The following SYNPO2 variants were observed in gnomAD, a reference collection of about 807,000 sequenced individuals.
SYNPO2 encodes the protein synaptopodin 2, also known as synaptopodin-2.
In SYNPO2, 56 loss-of-function variants were observed where a neutral mutation model predicts 85.0. The ratio of observed to expected loss-of-function variants is 0.66; its 90% confidence interval spans 0.53 to 0.82. The LOEUF (loss-of-function observed/expected upper bound fraction) is 0.82. Among genes scored for constraint, SYNPO2 ranks in the 40% least tolerant of loss-of-function variants. The pLI is 0.00. For missense variants in SYNPO2, 1,575 were observed against 1,534.2 expected (o/e 1.03, Z -0.44); for synonymous variants, 602 against 591.1 (o/e 1.02, Z -0.27).
chr4:118,866,445 A>G, intron 1 of SYNPO2, among the ~76,000 whole-genome samples: 1 of 152,216 alleles, frequency 6.6e-6, no homozygotes, highest in South Asian at 2.1e-4. Flanking sequence ...GCACAGTTCT[A>G]TCTCTAAGCA....
intron 1 of SYNPO2, among the ~76,000 whole-genome samples, chr4:118,981,268 C>A (rs1045478801): frequency 6.6e-6 from 1 of 152,198 alleles, no homozygotes; most frequent in Admixed American, 6.5e-5. Context: ...AACAGCCTAA[C>A]AGCCCTGCAA....
At chr4:119,048,446 C>T (rs868060639) in intron 4 of SYNPO2, among the ~76,000 whole-genome samples, 2 of 152,142 alleles carry the variant, frequency 1.3e-5, no homozygotes, top group Middle Eastern at 3.4e-3. Context: ...AAACCTTTAC[C>T]CTTAGATGGA....
chr4:119,003,921 C>T (rs13110780), intron 1 of SYNPO2, among the ~76,000 whole-genome samples: 4 of 152,136 alleles, frequency 2.6e-5, no homozygotes, highest in Admixed American at 6.5e-5. Context: ...TTTCAGGATC[C>T]GGTAGTTAAT....
In SYNPO2 at chr4:118,852,105, T is replaced by A. The variant is rs532389374; in HGVS notation, c.12+1165T>A. On this transcript the variant is annotated intron_variant, in intron 1 of 4. Transcript: ENST00000610556. ...ACATTTGTCACTTAGAAAATATTGA[T>A]TTGCCGTATAAAAAAAGCTCAATAT... Among the ~76,000 whole-genome samples the A allele has an allele frequency of 3.3e-5, 5 of 152,286 alleles. No individual in the cohort carries two copies. In the East Asian group the frequency reaches 9.6e-4, roughly 29 times the overall value.
chr4:118,958,265 T>A (rs1734948137), intron 1 of SYNPO2, among the ~76,000 whole-genome samples: 2 of 152,092 alleles, frequency 1.3e-5, no homozygotes, highest in Non-Finnish European at 2.9e-5. Context: ...ATGCCTGCGG[T>A]GCGTGTATGT....
At chr4:118,909,285 T>C (rs1020389705) in intron 1 of SYNPO2, among the ~76,000 whole-genome samples, 1 of 152,228 alleles carries the variant, frequency 6.6e-6, no homozygotes, top group Non-Finnish European at 1.5e-5. Context: ...TCCATTTACA[T>C]GGCTCTTAAT....
Position 119,029,930 on chromosome 4 carries a change from T to G in SYNPO2, c.1155T>G (p.Asp385Glu). 1 of 1,613,640 alleles carries G rather than the reference T, an allele frequency of 6.2e-7. No homozygotes were observed. Among genetic ancestry groups the G allele is most frequent in the Non-Finnish European group, 8.5e-7 (1 of 1,179,758 alleles). Residue 385 changes from aspartate (D) to glutamate (E), a missense_variant, in exon 4 of 5, where the codon GAT (aspartate) becomes GAG (glutamate). By Grantham distance (45) the Asp-to-Glu change is conservative (BLOSUM62 2). Transcript: ENST00000307142. ...AAAGCATTGCCCTTCTTCTAACGGATGCTCCCAACCCCAACTCCAAGGGGG... is the reference window on the plus strand; with the variant it reads ...AAAGCATTGCCCTTCTTCTAACGGAGGCTCCCAACCCCAACTCCAAGGGGG... ...KCKSIALLLT[D>E]APNPNSKGVL...
intron 1 of SYNPO2, among the ~76,000 whole-genome samples, chr4:118,980,854 G>A (rs887906094): frequency 6.6e-6 from 1 of 152,172 alleles, no homozygotes; most frequent in African/African-American, 2.4e-5. Context: ...CTGCACATAA[G>A]CCTATGAACC....
Position 118,982,746 on chromosome 4 carries a change from C to T in SYNPO2, c.106-40684C>T, listed in dbSNP as rs571172649. 2.0e-5 allele frequency among the ~76,000 whole-genome samples: 3 copies of T among 152,298 alleles called. No individual in the cohort carries two copies. In the South Asian group the frequency reaches 6.2e-4, roughly 32 times the overall value. On this transcript the variant is annotated intron_variant, in intron 1 of 4. Transcript: ENST00000307142. ...ATACATACCTAAATAACAGACCAAT[C>T]ATTGATTTCCAGAAACCTGTCTGGA...
intron 1 of SYNPO2, among the ~76,000 whole-genome samples, chr4:118,853,564 C>T (rs755675039): frequency 7.2e-5 from 11 of 152,138 alleles, no homozygotes; most frequent in Non-Finnish European, 1.3e-4. Flanking sequence ...GCCTATCTCT[C>T]TAGTTTAGAA....
intron 1 of SYNPO2, among the ~76,000 whole-genome samples, chr4:118,973,406 T>C (rs1484579775): frequency 6.6e-6 from 1 of 152,042 alleles, no homozygotes; most frequent in African/African-American, 2.4e-5. Flanking sequence ...ACGGTGGTGC[T>C]GATTTTTAAG....
At chr4:118,907,603 T>C (rs571768456) in intron 1 of SYNPO2, among the ~76,000 whole-genome samples, 76 of 152,310 alleles carry the variant, frequency 5.0e-4, no homozygotes, top group Admixed American at 3.5e-3. Context: ...TAAAATGCAC[T>C]GTTTCAATCA....
intron 1 of SYNPO2, among the ~76,000 whole-genome samples, chr4:118,893,030 G>C (rs1011874148): frequency 3.3e-5 from 5 of 151,974 alleles, no homozygotes; most frequent in Admixed American, 3.3e-4. Context: ...TTTCTAAAGG[G>C]GGAAAAAGAT....
rs549496832 is a variant in SYNPO2 at position 118,879,334 on chromosome 4, A to C, written c.12+28394A>C. On this transcript the variant is annotated intron_variant, in intron 1 of 4. Coordinates refer to the SYNPO2 transcript ENST00000610556. ...GCTTCCTTTTCCCTAGGCTCTGGGG[A>C]ACTGAACGTTTTTGTCTCCCCTGAA... Among the ~76,000 whole-genome samples the C allele has an allele frequency of 3.9e-5, 6 of 152,250 alleles. No homozygotes were observed. The South Asian group carries it at 1.2e-3, about 32-fold the overall frequency.
At chr4:118,942,681 G>A (rs1441140239) in intron 1 of SYNPO2, among the ~76,000 whole-genome samples, 4 of 152,142 alleles carry the variant, frequency 2.6e-5, no homozygotes, top group African/African-American at 7.2e-5. Context: ...TGTTGCCACA[G>A]GGGACATTTG....
At chr4:118,887,170 T>A (rs1035356695), upstream of SYNPO2, among the ~76,000 whole-genome samples, 677 of 133,784 alleles carry the variant, frequency 5.1e-3, no homozygotes, top group Non-Finnish European at 8.3e-3. Flanking sequence ...TGAGTGAGTG[T>A]GTGTGTGTGT....
chr4:119,058,061 T>A lies in SYNPO2; in HGVS notation c.*127T>A. On this transcript the variant is annotated 3_prime_UTR_variant, in exon 5 of 5. Transcript: ENST00000307142. ...TTGGCTTGTTCTCATAAGTCATTTA[T>A]CTAAGTTTGTGTTTCTGTGTGTGTG... 1.9e-6 allele frequency: 2 copies of A among 1,028,328 alleles called. No homozygotes were observed. Among genetic ancestry groups the A allele is most frequent in the East Asian group, 2.7e-5 (1 of 37,716 alleles). The allele number at this position is 1,028,328 out of a possible 1,614,324, so 63.7% of individuals were successfully genotyped here. A position where few individuals can be genotyped will look rare whatever the true frequency, so the allele number is the denominator to read the frequency against.
At chr4:118,881,173 G>A (rs1317165100) in intron 1 of SYNPO2, among the ~76,000 whole-genome samples, 1 of 151,672 alleles carries the variant, frequency 6.6e-6, no homozygotes, top group Non-Finnish European at 1.5e-5. Flanking sequence ...GTAGTGGCGG[G>A]CGCCTGTAGT....
intron 4 of SYNPO2, among the ~76,000 whole-genome samples, chr4:119,044,800 A>G (rs1738826401): frequency 6.6e-6 from 1 of 152,262 alleles, no homozygotes; most frequent in Non-Finnish European, 1.5e-5. Flanking sequence ...GCTTAGAAAC[A>G]TAGTGGACAG....
Sources: allele counts gnomAD v4.1 joint callset (sites outside exome capture counted in the v4.1 genomes callset), GRCh38; gene constraint gnomAD v4.1.1; transcripts MANE v1.5; gene names NCBI Gene and HGNC (gene_info 2026-07-23, HGNC 2026-07-21).